Variants in LRRTM3 observed in about 807,000 individuals in gnomAD.
The protein encoded by LRRTM3 is leucine rich repeat transmembrane neuronal 3, also known as leucine-rich repeat transmembrane neuronal protein 3.
A neutral mutation model predicts 44.7 loss-of-function variants in LRRTM3; 24 were observed. The observed-to-expected ratio is 0.54, with a 90% CI of 0.39 to 0.76. LRRTM3 has a LOEUF of 0.76. LRRTM3 is among the 30% of genes least tolerant of loss of function. LRRTM3 has a pLI of 0.00. For synonymous variants in LRRTM3, 277 were observed against 278.7 expected (o/e 0.99, Z 0.06); for missense variants, 587 against 702.2 (o/e 0.84, Z 1.85).
At chr10:67,006,288 G>T (rs1245348850) in intron 2 of LRRTM3, among the ~76,000 whole-genome samples, 1 of 152,070 alleles carries the variant, frequency 6.6e-6, no homozygotes, top group East Asian at 1.9e-4. Flanking sequence ...TAACTATTAA[G>T]TGGTGTGATA....
intron 2 of LRRTM3, among the ~76,000 whole-genome samples, chr10:66,959,695 C>T (rs1849012909): frequency 1.3e-5 from 2 of 152,166 alleles, no homozygotes; most frequent in South Asian, 4.1e-4. Flanking sequence ...ACTTACTTGT[C>T]CCTCATTGCA....
intron 2 of LRRTM3, among the ~76,000 whole-genome samples, chr10:67,014,865 C>T (rs934634361): frequency 3.9e-5 from 6 of 151,918 alleles, no homozygotes; most frequent in African/African-American, 1.4e-4. Context: ...GAGATGTATA[C>T]ATACATAAGC....
At chr10:66,978,853 G>A (rs1850234991) in intron 2 of LRRTM3, among the ~76,000 whole-genome samples, 1 of 149,168 alleles carries the variant, frequency 6.7e-6, no homozygotes, top group African/African-American at 2.5e-5. Flanking sequence ...ATTATTAACT[G>A]TATTTTATGT....
At chr10:66,983,776 C>T (rs144737107) in intron 2 of LRRTM3, among the ~76,000 whole-genome samples, 3 of 152,264 alleles carry the variant, frequency 2.0e-5, no homozygotes, top group African/African-American at 7.2e-5. Context: ...GGGATAAATA[C>T]ATTCTGCTAA....
intron 2 of LRRTM3, among the ~76,000 whole-genome samples, chr10:66,964,065 T>C (rs977544230): frequency 6.6e-6 from 1 of 151,874 alleles, no homozygotes; most frequent in Non-Finnish European, 1.5e-5. Context: ...TTGGCCAGGA[T>C]GGTCTCGATC....
chr10:66,934,647 C>A (rs1399173045), intron 2 of LRRTM3, among the ~76,000 whole-genome samples: 2 of 152,014 alleles, frequency 1.3e-5, no homozygotes, highest in Non-Finnish European at 2.9e-5. Flanking sequence ...TAGCTAATTC[C>A]TAGAAAACAA....
intron 2 of LRRTM3, among the ~76,000 whole-genome samples, chr10:67,073,619 GA>G (rs1262860071): frequency 6.7e-6 from 1 of 149,216 alleles, no homozygotes; most frequent in African/African-American, 2.5e-5. Flanking sequence ...AAATAAAGAG[GA>G]AAAAAACGAG....
At chr10:67,088,998 C>T (rs891057699) in intron 2 of LRRTM3, among the ~76,000 whole-genome samples, 2 of 151,844 alleles carry the variant, frequency 1.3e-5, no homozygotes, top group East Asian at 1.9e-4. Flanking sequence ...ATAGAATATA[C>T]ATTGTATTAG....
intron 2 of LRRTM3, among the ~76,000 whole-genome samples, chr10:67,066,326 G>T (rs1359559616): frequency 6.6e-6 from 1 of 150,782 alleles, no homozygotes; most frequent in Non-Finnish European, 1.5e-5. Context: ...CCAAGTAACT[G>T]GGACTACAGG....
In LRRTM3 at chr10:66,928,118, CCA is replaced by C; in HGVS notation, c.1205_1206del (p.Thr402ArgfsTer9). On this transcript the variant is annotated frameshift_variant, in exon 2 of 3. Transcript: ENST00000361320. LOFTEE classifies it high-confidence loss of function. ...CCCCCTTTGCCCCCGACGGTGGGAG[CCA>C]CAGAGCCCGGCCCAGAGACCGATGC... 6.2e-7 allele frequency: 1 copy of C among 1,614,096 alleles called. No individual in the cohort carries two copies. Among genetic ancestry groups the C allele is most frequent in the Non-Finnish European group, 8.5e-7 (1 of 1,180,036 alleles).
chr10:66,979,076 T>G (rs1031784535), intron 2 of LRRTM3, among the ~76,000 whole-genome samples: 1 of 149,816 alleles, frequency 6.7e-6, no homozygotes, highest in Non-Finnish European at 1.5e-5. Context: ...GAGATTCTCC[T>G]GCCTCAGCCT....
intron 2 of LRRTM3, among the ~76,000 whole-genome samples, chr10:66,960,997 A>G (rs935076449): frequency 6.6e-6 from 1 of 152,196 alleles, no homozygotes; most frequent in Admixed American, 6.6e-5. Flanking sequence ...AAATAAAAAT[A>G]TAGGACTATA....
At chr10:67,003,195 A>T (rs1388934493) in intron 2 of LRRTM3, among the ~76,000 whole-genome samples, 1 of 152,176 alleles carries the variant, frequency 6.6e-6, no homozygotes, top group Admixed American at 6.5e-5. Context: ...TGCCCCAATT[A>T]TTCAGGCACA....
intron 2 of LRRTM3, among the ~76,000 whole-genome samples, chr10:67,096,629 A>C (rs12220599): frequency 0.56 from 84,192 of 151,658 alleles, 24,728 homozygotes; most frequent in African/African-American, 0.76. Context: ...TTATTGAAAA[A>C]GAAATGGGAA....
intron 2 of LRRTM3, among the ~76,000 whole-genome samples, chr10:66,973,060 G>C (rs1422478598): frequency 6.6e-6 from 1 of 152,190 alleles, no homozygotes; most frequent in Non-Finnish European, 1.5e-5. Context: ...TAATACACTT[G>C]AGGAGGGTTA....
chr10:67,048,804 C>T (rs867441529), intron 2 of LRRTM3, among the ~76,000 whole-genome samples: 12 of 151,988 alleles, frequency 7.9e-5, no homozygotes, highest in Admixed American at 2.0e-4. Flanking sequence ...TATTATATCT[C>T]ATAACATAAT....
chr10:67,000,690 C>T (rs992178428), intron 2 of LRRTM3, among the ~76,000 whole-genome samples: 4 of 152,066 alleles, frequency 2.6e-5, no homozygotes, highest in African/African-American at 9.7e-5. Context: ...TATATGAATT[C>T]AATAGAAGAA....
intron 2 of LRRTM3, among the ~76,000 whole-genome samples, chr10:67,020,895 G>A (rs1852966446): frequency 6.6e-6 from 1 of 152,078 alleles, no homozygotes; most frequent in Admixed American, 6.6e-5. Context: ...AGGGGCCTCA[G>A]GAATAAGAGT....
intron 2 of LRRTM3, among the ~76,000 whole-genome samples, chr10:67,010,497 C>T (rs1852249249): frequency 6.6e-6 from 1 of 152,186 alleles, no homozygotes; most frequent in Non-Finnish European, 1.5e-5. Flanking sequence ...TCATAGTCCC[C>T]AGATGGCTGC....
Sources: gnomAD v4.1 joint callset for allele counts (sites outside exome capture counted in the v4.1 genomes callset) on GRCh38, gnomAD v4.1.1 for gene constraint, MANE v1.5 for transcripts, NCBI Gene and HGNC (gene_info 2026-07-23, HGNC 2026-07-21) for gene names.